The following DMD variants were observed in gnomAD, a reference collection of about 807,000 sequenced individuals.
DMD encodes the protein mutant dystrophin.
In DMD, 63 loss-of-function variants were observed where a neutral mutation model predicts 330.1. That is an observed-to-expected ratio of 0.19 (90% confidence interval 0.16 to 0.24). The LOEUF is 0.24. Ranked by LOEUF, DMD falls within the 10% of genes least tolerant of loss-of-function variation. The pLI is 1.00. For missense variants in DMD, 3,344 were observed against 2,684.1 expected, an observed-to-expected ratio of 1.25 and a Z score of -5.43; for synonymous variants, 1,223 against 959.8, an observed-to-expected ratio of 1.27 and a Z score of -5.07.
At chrX:32,985,717 C>T (rs2147261407) in intron 2 of DMD, among the ~76,000 whole-genome samples, 1 of 111,934 alleles carries the variant, frequency 8.9e-6, no homozygotes, top group East Asian at 2.8e-4. Context: ...TGTGGAAAAA[C>T]CAGAGGCAGT....
chrX:32,586,950 A>G (rs5928025), intron 13 of DMD, among the ~76,000 whole-genome samples: 4,681 of 111,333 alleles, frequency 0.042, 100 homozygotes, highest in Middle Eastern at 0.1. Flanking sequence ...GATTATTTCC[A>G]TCACATTTAA....
At chrX:32,008,459 G>A (rs904948715) in intron 44 of DMD, among the ~76,000 whole-genome samples, 9 of 110,942 alleles carry the variant, frequency 8.1e-5, no homozygotes, top group Admixed American at 3.9e-4. Context: ...GGTAATTGAG[G>A]ATCATAGGAT....
intron 43 of DMD, among the ~76,000 whole-genome samples, chrX:32,250,038 C>A (rs2097257385): frequency 9.0e-6 from 1 of 111,584 alleles, no homozygotes; most frequent in South Asian, 3.8e-4. Flanking sequence ...CAAGTATATT[C>A]CTGGGAAGAT....
chrX:31,393,081 CT>C (rs1273660267), intron 60 of DMD, among the ~76,000 whole-genome samples: 2 of 112,369 alleles, frequency 1.8e-5, no homozygotes, highest in Non-Finnish European at 3.8e-5. Context: ...GCAGGTCATT[CT>C]TTTAAAAAAC....
chrX:31,626,855 A>G (rs896608201), intron 55 of DMD, among the ~76,000 whole-genome samples: 6 of 112,043 alleles, frequency 5.4e-5, no homozygotes, highest in African/African-American at 1.9e-4. Flanking sequence ...TAGTCTAAAA[A>G]ATCAATCATC....
intron 21 of DMD, among the ~76,000 whole-genome samples, chrX:32,475,092 G>C (rs940052603): frequency 9.0e-6 from 1 of 111,029 alleles, no homozygotes; most frequent in Non-Finnish European, 1.9e-5. Flanking sequence ...AATTATCCCA[G>C]CACCATTTGA....
chrX:32,659,996 C>G (rs1161718572), intron 9 of DMD, among the ~76,000 whole-genome samples: 1 of 110,788 alleles, frequency 9.0e-6, no homozygotes, highest in Non-Finnish European at 1.9e-5. Flanking sequence ...TAATAAAAGT[C>G]CTCTATCCTG....
intron 44 of DMD, among the ~76,000 whole-genome samples, chrX:32,136,014 A>T (rs1339809513): frequency 8.9e-6 from 1 of 112,158 alleles, no homozygotes; most frequent in African/African-American, 3.2e-5. Context: ...CTGATTCCAT[A>T]AATCATGGGG....
At chrX:33,132,310 C>T (rs2095504145) in intron 1 of DMD, among the ~76,000 whole-genome samples, 1 of 111,501 alleles carries the variant, frequency 9.0e-6, no homozygotes. Context: ...CTAGAATTGT[C>T]CAACTATTCC....
At chrX:32,949,044 G>A (rs749780839) in intron 2 of DMD, among the ~76,000 whole-genome samples, 46 of 110,471 alleles carry the variant, frequency 4.2e-4, no homozygotes, top group East Asian at 8.5e-4. Flanking sequence ...CTGTTTGCTC[G>A]TCACATAAAA....
intron 1 of DMD, among the ~76,000 whole-genome samples, chrX:33,138,680 C>A (rs1320199948): frequency 1.8e-5 from 2 of 110,481 alleles, no homozygotes; most frequent in Admixed American, 1.9e-4. Flanking sequence ...GTAGTGTTTC[C>A]TTTTCTTTTC....
At chrX:32,565,959 G>A (rs763690133) in intron 15 of DMD, 78 bp from the exon 16 acceptor site, 2 of 918,359 alleles carry the variant, frequency 2.2e-6, no homozygotes, top group South Asian at 4.2e-5. Flanking sequence ...GCTTTTGCGT[G>A]TATTTGCTCA....
intron 60 of DMD, among the ~76,000 whole-genome samples, chrX:31,357,219 A>G (rs2058720879): frequency 9.0e-6 from 1 of 111,084 alleles, no homozygotes; most frequent in African/African-American, 3.3e-5. Flanking sequence ...CCATTGGAGC[A>G]TTCCTTTCTA....
intron 74 of DMD, among the ~76,000 whole-genome samples, chrX:31,162,356 T>TA (rs57908991): frequency 4.1e-4 from 21 of 50,619 alleles, no homozygotes; most frequent in East Asian, 6.7e-4. Context: ...ATGAAAAATC[T>TA]AAAAAAAAAA....
In DMD at chrX:31,584,958, C is replaced by A. The variant is rs148655195; in HGVS notation, c.8217+42715G>T. On this transcript the variant is annotated intron_variant, in intron 55 of 78. Transcript: ENST00000357033. ...GCACCTTCCATATCCTATAGTCACA[C>A]AATAGCCAGAATAAGTTTTTTTTTT... Among the ~76,000 whole-genome samples, 581 of 109,818 alleles carry A rather than the reference C, an allele frequency of 5.3e-3. 6 individuals carry two copies. The highest frequency in any genetic ancestry group is 5.1e-3 in the Non-Finnish European group (268 of 52,450).
intron 44 of DMD, among the ~76,000 whole-genome samples, chrX:32,122,320 T>C (rs1277449736): frequency 8.9e-6 from 1 of 112,107 alleles, no homozygotes; most frequent in African/African-American, 3.2e-5. Flanking sequence ...CCAGCAACTC[T>C]GAAGGCTAAC....
At chrX:31,222,283 G>T (rs1315978347) in intron 64 of DMD, among the ~76,000 whole-genome samples, 2 of 106,828 alleles carry the variant, frequency 1.9e-5, no homozygotes, top group African/African-American at 6.9e-5. Flanking sequence ...AGCTACCTGG[G>T]AGGCTGACGC....
At chrX:31,817,473 T>C (rs1165976639) in intron 50 of DMD, among the ~76,000 whole-genome samples, 1 of 111,785 alleles carries the variant, frequency 8.9e-6, no homozygotes, top group African/African-American at 3.3e-5. Flanking sequence ...CCTTTTGTTT[T>C]TTTTTTCATT....
chrX:32,549,810 C>A (rs2049341796), intron 16 of DMD, among the ~76,000 whole-genome samples: 1 of 111,713 alleles, frequency 9.0e-6, no homozygotes, highest in East Asian at 2.8e-4. Flanking sequence ...AAATGAAGTT[C>A]TTTCTTTCCA....
Sources: allele counts gnomAD v4.1 joint callset (sites outside exome capture counted in the v4.1 genomes callset), GRCh38; gene constraint gnomAD v4.1.1; transcripts MANE v1.5; gene names NCBI Gene and HGNC (gene_info 2026-07-23, HGNC 2026-07-21).